The following SLC2A13 variants were observed in gnomAD, a reference collection of about 807,000 sequenced individuals.
SLC2A13 encodes the protein solute carrier family 2 member 13, also known as proton myo-inositol cotransporter.
A neutral mutation model predicts 64.4 loss-of-function variants in SLC2A13; 32 were observed. That is an observed-to-expected ratio of 0.50 (90% confidence interval 0.37 to 0.67). The LOEUF (loss-of-function observed/expected upper bound fraction) is 0.67, where lower values mean the gene tolerates loss of function less well. SLC2A13 is among the 30% of genes least tolerant of loss of function. SLC2A13 has a pLI of 0.00. For synonymous variants in SLC2A13, 338 were observed against 327.1 expected (o/e 1.03, Z -0.36); for missense variants, 743 against 829.2 (o/e 0.90, Z 1.28).
At chr12:39,838,818 G>A (rs1943100073) in intron 6 of SLC2A13, among the ~76,000 whole-genome samples, 1 of 152,082 alleles carries the variant, frequency 6.6e-6, no homozygotes. Flanking sequence ...GAAGCTGGGT[G>A]TGAACTCAGC....
At chr12:39,803,999 C>A (rs1941888655) in intron 7 of SLC2A13, among the ~76,000 whole-genome samples, 1 of 151,246 alleles carries the variant, frequency 6.6e-6, no homozygotes, top group African/African-American at 2.4e-5. Flanking sequence ...AGATACAGTA[C>A]AGGAAGAAGA....
At chr12:40,072,606 T>C (rs533641484) in intron 1 of SLC2A13, among the ~76,000 whole-genome samples, 2 of 152,260 alleles carry the variant, frequency 1.3e-5, no homozygotes, top group South Asian at 4.1e-4. Context: ...GAACTAACAC[T>C]TTTACCATTA....
intron 7 of SLC2A13, among the ~76,000 whole-genome samples, chr12:39,775,137 A>C (rs1592125086): frequency 6.6e-6 from 1 of 152,196 alleles, no homozygotes; most frequent in African/African-American, 2.4e-5. Flanking sequence ...CAAGATTAAC[A>C]TAGATAGAGA....
chr12:40,096,270 T>C (rs1236686362), intron 1 of SLC2A13, among the ~76,000 whole-genome samples: 1 of 152,096 alleles, frequency 6.6e-6, no homozygotes, highest in East Asian at 1.9e-4. Flanking sequence ...AGTATCGTGT[T>C]CTTTTAATTT....
At chr12:39,942,193 C>T (rs546243101) in intron 4 of SLC2A13, among the ~76,000 whole-genome samples, 4 of 152,024 alleles carry the variant, frequency 2.6e-5, no homozygotes, top group African/African-American at 9.6e-5. Context: ...GCTATGTGGG[C>T]TCTTTTTTGG....
chr12:39,941,990 T>C (rs1210796103), intron 4 of SLC2A13, among the ~76,000 whole-genome samples: 1 of 152,236 alleles, frequency 6.6e-6, no homozygotes, highest in Admixed American at 6.5e-5. Flanking sequence ...TTTATGTTTT[T>C]GTTTGCATTG....
chr12:40,092,175 T>C (rs17489597), intron 1 of SLC2A13, among the ~76,000 whole-genome samples: 1 of 152,196 alleles, frequency 6.6e-6, no homozygotes, highest in Non-Finnish European at 1.5e-5. Context: ...TGGGGTAAGA[T>C]TAAAAACTAG....
At chr12:39,840,118 G>A (rs780775627) in intron 6 of SLC2A13, among the ~76,000 whole-genome samples, 56 of 151,786 alleles carry the variant, frequency 3.7e-4, no homozygotes, top group Admixed American at 7.9e-4. Flanking sequence ...TGCAACCTCC[G>A]CCTCCTGGGT....
At chr12:40,072,841 T>G (rs1938016796) in intron 1 of SLC2A13, among the ~76,000 whole-genome samples, 1 of 152,140 alleles carries the variant, frequency 6.6e-6, no homozygotes, top group Non-Finnish European at 1.5e-5. Context: ...AATTGGTACA[T>G]TTAGACCACT....
intron 6 of SLC2A13, among the ~76,000 whole-genome samples, chr12:39,834,988 A>G (rs1354477991): frequency 6.6e-6 from 1 of 151,998 alleles, no homozygotes; most frequent in Non-Finnish European, 1.5e-5. Context: ...TACATTTTTC[A>G]CTCAAGATTT....
At chr12:39,907,896 C>T (rs554303978) in intron 4 of SLC2A13, 2 of 152,112 alleles carry the variant, frequency 1.3e-5, no homozygotes, top group South Asian at 2.1e-4. Flanking sequence ...ATCAATGCTC[C>T]CAACCCACCC....
chr12:40,052,501 CG>C (rs1177432761), intron 1 of SLC2A13, among the ~76,000 whole-genome samples: 2 of 151,734 alleles, frequency 1.3e-5, no homozygotes, highest in Non-Finnish European at 2.9e-5. Context: ...GTGAGAGTCT[CG>C]GGGTGAGTCT....
intron 7 of SLC2A13, among the ~76,000 whole-genome samples, chr12:39,780,690 T>G (rs1054236375): frequency 6.6e-6 from 1 of 152,204 alleles, no homozygotes; most frequent in Non-Finnish European, 1.5e-5. Context: ...AGAGTAGTGA[T>G]GTCAACACTA....
chr12:39,767,606 C>T (rs1254877916), intron 7 of SLC2A13, among the ~76,000 whole-genome samples: 1 of 152,020 alleles, frequency 6.6e-6, no homozygotes, highest in Non-Finnish European at 1.5e-5. Flanking sequence ...CAACAGAAGG[C>T]AGTTTCATCT....
chr12:39,895,839 C>T (rs62647581), intron 4 of SLC2A13, among the ~76,000 whole-genome samples: 14,024 of 21,628 alleles, frequency 0.65, 5,873 homozygotes, highest in East Asian at 0.85. Context: ...CGTGTATATG[C>T]ACACACATAT....
chr12:39,830,018 A>AT, intron 7 of SLC2A13, 85 bp downstream of exon 7: 4 of 1,549,146 alleles, frequency 2.6e-6, no homozygotes, highest in Non-Finnish European at 3.5e-6. Flanking sequence ...AAGAACTGCT[A>AT]TAAGTGCAAG....
At chr12:39,972,870 C>T (rs1238194321) in intron 3 of SLC2A13, among the ~76,000 whole-genome samples, 1 of 152,124 alleles carries the variant, frequency 6.6e-6, no homozygotes, top group East Asian at 1.9e-4. Context: ...GAGTTCGAGA[C>T]CAGCCTGACC....
intron 7 of SLC2A13, among the ~76,000 whole-genome samples, chr12:39,783,976 T>C (rs1592134186): frequency 1.3e-5 from 2 of 152,172 alleles, no homozygotes; most frequent in East Asian, 3.8e-4. Context: ...CCATTCACAA[T>C]TGCTTCAAAG....
At chr12:39,764,652 G>C in intron 8 of SLC2A13, 40 bp from the exon 9 acceptor site, 9 of 1,582,088 alleles carry the variant, frequency 5.7e-6, no homozygotes, top group Non-Finnish European at 7.7e-6. Flanking sequence ...AAAATAGCAT[G>C]TAAGAAATTT....
Sources: allele counts gnomAD v4.1 joint callset (sites outside exome capture counted in the v4.1 genomes callset), GRCh38; gene constraint gnomAD v4.1.1; transcripts MANE v1.5; gene names NCBI Gene and HGNC (gene_info 2026-07-23, HGNC 2026-07-21).